The following XRRA1 variants were observed in gnomAD, a reference collection of about 807,000 sequenced individuals.
XRRA1 encodes the protein X-ray radiation resistance associated 1.
Under a neutral mutation model 80.2 loss-of-function variants are expected in XRRA1, and 69 were observed. That is an observed-to-expected ratio of 0.86 (90% confidence interval 0.71 to 1.05). The LOEUF is 1.05. Among genes scored for constraint, XRRA1 ranks in the 50% least tolerant of loss-of-function variants. The pLI is 0.00. For synonymous variants in XRRA1, 348 were observed against 389.9 expected (o/e 0.89, Z 1.27); for missense variants, 967 against 976.4 (o/e 0.99, Z 0.13).
intron 4 of XRRA1, among the ~76,000 whole-genome samples, chr11:74,935,419 A>C (rs142738639): frequency 1.4e-4 from 22 of 152,342 alleles, no homozygotes; most frequent in African/African-American, 4.6e-4. Flanking sequence ...ATGTGAAATA[A>C]AAGCATCCTA....
chr11:74,854,189 A>G (rs1175888877), intron 12 of XRRA1, among the ~76,000 whole-genome samples: 1 of 152,166 alleles, frequency 6.6e-6, no homozygotes, highest in Non-Finnish European at 1.5e-5. Flanking sequence ...TAGAAATGTC[A>G]AATAGGCAGT....
At chr11:74,918,869 A>G (rs1939718856) in intron 8 of XRRA1, 1 of 152,248 alleles carries the variant, frequency 6.6e-6, no homozygotes, top group African/African-American at 2.4e-5. Flanking sequence ...CAATGGCAGT[A>G]CTAACCATGG....
At chr11:74,864,181 G>A (rs1238770271) in intron 10 of XRRA1, 1 of 152,090 alleles carries the variant, frequency 6.6e-6, no homozygotes. Flanking sequence ...AAATTCAAAA[G>A]TTTCACTCCT....
rs932353854 is a variant in XRRA1, at chr11:74,876,800, T to C, written c.1004-13779A>G. The C allele has an allele frequency of 2.0e-5, 3 of 152,352 alleles. No individual in the cohort carries two copies. The South Asian group carries it at 6.2e-4, about 32-fold the overall frequency. The allele number at this position is 152,352 out of a possible 1,614,324, so 9.4% of individuals were successfully genotyped here. ...AAAAGATAAGTAAATGAGTAAGGGC[T>C]ATTCATCCTACTCAGTCCCACTCCT... On this transcript the variant is annotated intron_variant, in intron 10 of 18. Transcript: ENST00000684022.
At chr11:74,893,947 G>A (rs1341585063) in intron 10 of XRRA1, among the ~76,000 whole-genome samples, 1 of 152,170 alleles carries the variant, frequency 6.6e-6, no homozygotes. Context: ...ATATGCACAT[G>A]TATGTTCACC....
Position 74,919,724 on chromosome 11 carries a change from C to A in XRRA1, c.656+1490G>T, listed in dbSNP as rs183809134. 3.9e-3 allele frequency: 1,852 copies of A among 476,708 alleles called. 25 individuals are homozygous for A. Among genetic ancestry groups the A allele is most frequent in the Non-Finnish European group, 1.4e-3 (339 of 244,342 alleles). The allele number at this position is 476,708 out of a possible 1,614,324, so 29.5% of individuals were successfully genotyped here. On this transcript the variant is annotated intron_variant, in intron 8 of 18. Coordinates refer to ENST00000684022, the MANE Select transcript of XRRA1 (RefSeq NM_001378157.1). ...TCAAGAAGCATGCCCCTTGAGCACTCAAAGAGATTCGGAAATTTGTCAGGA... is the reference window on the plus strand; with the variant it reads ...TCAAGAAGCATGCCCCTTGAGCACTAAAAGAGATTCGGAAATTTGTCAGGA...
intron 10 of XRRA1, among the ~76,000 whole-genome samples, chr11:74,904,592 A>C (rs146448805): frequency 1.7e-3 from 256 of 152,218 alleles, no homozygotes; most frequent in African/African-American, 5.9e-3. Flanking sequence ...AAAAAGAAAA[A>C]GCATAGGTAA....
chr11:74,858,850 C>A (rs1468999899), intron 12 of XRRA1, among the ~76,000 whole-genome samples: 1 of 152,158 alleles, frequency 6.6e-6, no homozygotes, highest in East Asian at 1.9e-4. Flanking sequence ...CCATATCAGT[C>A]TTCCTGTCTT....
At chr11:74,889,488 G>C (rs1426287779) in intron 10 of XRRA1, among the ~76,000 whole-genome samples, 1 of 152,194 alleles carries the variant, frequency 6.6e-6, no homozygotes, top group African/African-American at 2.4e-5. Flanking sequence ...GGAAGAAACT[G>C]CATCAACTAA....
At chr11:74,905,070 G>GT (rs1164932006) in intron 10 of XRRA1, among the ~76,000 whole-genome samples, 1 of 152,060 alleles carries the variant, frequency 6.6e-6, no homozygotes, top group African/African-American at 2.4e-5. Context: ...ATTATTATTT[G>GT]TAGAGACAGG....
chr11:74,849,538 TA>T (rs1373826313), intron 14 of XRRA1, among the ~76,000 whole-genome samples: 1 of 152,114 alleles, frequency 6.6e-6, no homozygotes, highest in Non-Finnish European at 1.5e-5. Flanking sequence ...CCTCAGCATC[TA>T]AAACACCAAG....
intron 10 of XRRA1, among the ~76,000 whole-genome samples, chr11:74,894,391 T>C (rs1008083406): frequency 6.6e-6 from 1 of 152,146 alleles, no homozygotes; most frequent in Non-Finnish European, 1.5e-5. Flanking sequence ...AATGAACTTG[T>C]ACATGTACCC....
At chr11:74,870,276 A>G (rs1035562176) in intron 10 of XRRA1, among the ~76,000 whole-genome samples, 1 of 152,166 alleles carries the variant, frequency 6.6e-6, no homozygotes, top group Non-Finnish European at 1.5e-5. Context: ...TAGCTATTGC[A>G]TGGGGCTGGA....
intron 7 of XRRA1, among the ~76,000 whole-genome samples, chr11:74,923,813 T>C (rs1456102199): frequency 6.6e-6 from 1 of 152,184 alleles, no homozygotes; most frequent in East Asian, 1.9e-4. Context: ...CTACTGCTAT[T>C]TTGTGTAACC....
At chr11:74,917,186 T>G (rs1939002352) in intron 8 of XRRA1, among the ~76,000 whole-genome samples, 1 of 152,198 alleles carries the variant, frequency 6.6e-6, no homozygotes, top group Admixed American at 6.5e-5. Context: ...TCTCTAAAAT[T>G]TGGAGGACAG....
At chr11:74,924,296 A>G (rs1287476558) in intron 7 of XRRA1, among the ~76,000 whole-genome samples, 1 of 150,360 alleles carries the variant, frequency 6.7e-6, no homozygotes, top group East Asian at 2.0e-4. Flanking sequence ...TAACACGGTG[A>G]AACCCCGTCT....
chr11:74,847,988 G>A, intron 15 of XRRA1, 127 bp downstream of exon 15: 1 of 838,212 alleles, frequency 1.2e-6, no homozygotes, highest in Non-Finnish European at 1.8e-6. Context: ...CAAGGGTGCT[G>A]ACTTCTTGTT....
chr11:74,907,382 G>A (rs1238572092), intron 8 of XRRA1, 109 bp from the exon 9 acceptor site: 7 of 1,454,852 alleles, frequency 4.8e-6, no homozygotes, highest in Non-Finnish European at 6.5e-6. Context: ...ACCAGCTTAG[G>A]AACGGTTCTA....
At chr11:74,906,585 G>A (rs570546863) in intron 9 of XRRA1, 129 bp from the exon 10 acceptor site, 7 of 1,006,926 alleles carry the variant, frequency 7.0e-6, no homozygotes, top group African/African-American at 4.9e-5. Flanking sequence ...ACGTTGAGCC[G>A]GTGACTTACT....
Sources: allele counts gnomAD v4.1 joint callset (sites outside exome capture counted in the v4.1 genomes callset), GRCh38; gene constraint gnomAD v4.1.1; transcripts MANE v1.5; gene names NCBI Gene and HGNC (gene_info 2026-07-23, HGNC 2026-07-21).